COLEC10: variants seen among roughly 807,000 people sequenced by gnomAD.
COLEC10 encodes the protein collectin-10.
In COLEC10, 22 loss-of-function variants were observed where a neutral mutation model predicts 28.4. That is an observed-to-expected ratio of 0.78 (90% CI 0.55 to 1.11). COLEC10 has a LOEUF of 1.11. COLEC10 is among the 50% of genes least tolerant of loss of function. COLEC10 has a pLI of 0.00. For synonymous variants in COLEC10, 125 were observed against 116.1 expected (o/e 1.08, Z -0.49); for missense variants, 361 against 344.1 (o/e 1.05, Z -0.39).
the COLEC10 span, among the ~76,000 whole-genome samples, chr8:118,989,853 G>C: frequency 6.6e-6 from 1 of 151,972 alleles, no homozygotes; most frequent in African/African-American, 2.4e-5. Context: ...TTCAGATTTG[G>C]AAATATTTTA....
chr8:118,991,573 A>C (rs1270831502), upstream of COLEC10, among the ~76,000 whole-genome samples: 8 of 152,236 alleles, frequency 5.3e-5, no homozygotes, highest in South Asian at 4.1e-4. Context: ...CTGGCTCCGA[A>C]ACCCCTGGTC....
At chr8:118,994,472 G>C (rs1402284254), upstream of COLEC10, among the ~76,000 whole-genome samples, 3 of 152,122 alleles carry the variant, frequency 2.0e-5, no homozygotes, top group Non-Finnish European at 4.4e-5. Flanking sequence ...TGTTTACTTA[G>C]TGCTATGTGT....
chr8:119,093,208 C>T (rs2465392), intron 3 of COLEC10, among the ~76,000 whole-genome samples: 81,691 of 152,022 alleles, frequency 0.54, 22,760 homozygotes, highest in Middle Eastern at 0.71. Context: ...CAGTATGTCC[C>T]TGCAGGCAGG....
the COLEC10 span, among the ~76,000 whole-genome samples, chr8:118,970,743 A>G: frequency 7.2e-5 from 11 of 151,810 alleles, no homozygotes; most frequent in South Asian, 2.1e-4. Flanking sequence ...TACACTTCAT[A>G]CTTTTTTGTC....
At chr8:119,048,826 G>A (rs530853737) in intron 2 of COLEC10, among the ~76,000 whole-genome samples, 2 of 152,208 alleles carry the variant, frequency 1.3e-5, no homozygotes, top group South Asian at 2.1e-4. Flanking sequence ...GGGGCATTTA[G>A]CCCATTTACA....
At chr8:118,987,560 T>C in the COLEC10 span, among the ~76,000 whole-genome samples, 1 of 151,972 alleles carries the variant, frequency 6.6e-6, no homozygotes, top group African/African-American at 2.4e-5. Flanking sequence ...TGATAATCTG[T>C]CTCAAAAAAT....
intron 2 of COLEC10, among the ~76,000 whole-genome samples, chr8:119,015,802 A>C (rs1203238245): frequency 6.6e-6 from 1 of 152,154 alleles, no homozygotes; most frequent in Non-Finnish European, 1.5e-5. Flanking sequence ...CTTAGGTTAT[A>C]ACTTCTTGTT....
the COLEC10 span, among the ~76,000 whole-genome samples, chr8:118,958,370 T>A: frequency 1.3e-5 from 2 of 152,238 alleles, no homozygotes; most frequent in African/African-American, 4.8e-5. Context: ...ACACTGCTTC[T>A]GCTGGGAGGA....
At chr8:119,093,141 A>G (rs1427087100) in intron 3 of COLEC10, among the ~76,000 whole-genome samples, 1 of 152,182 alleles carries the variant, frequency 6.6e-6, no homozygotes, top group Non-Finnish European at 1.5e-5. Flanking sequence ...TGTACCCTCC[A>G]TCTTTTTGTA....
At chr8:119,030,688 G>T (rs1199737935) in intron 2 of COLEC10, among the ~76,000 whole-genome samples, 1 of 152,194 alleles carries the variant, frequency 6.6e-6, no homozygotes, top group Admixed American at 6.5e-5. Flanking sequence ...GTCAATGCAT[G>T]CAGTGAGCTT....
chr8:118,959,093 G>A, the COLEC10 span, among the ~76,000 whole-genome samples: 1 of 152,216 alleles, frequency 6.6e-6, no homozygotes, highest in African/African-American at 2.4e-5. Context: ...AGGAAGCTCT[G>A]CCCCTTCTTT....
rs557173003 is a variant in COLEC10 at position 119,091,076 on chromosome 8, T to A, written c.221-73T>A. The stretch of plus-strand genomic sequence containing the variant: ...TATACTTGTTGGTATTTCTTTCAAG[T>A]GAATATCACATTAGCCACATTTCAA... On this transcript the variant is annotated intron_variant, in intron 2 of 5. Coordinates refer to ENST00000332843, the MANE Select transcript of COLEC10 (RefSeq NM_006438.5). 1.3e-5 allele frequency: 15 copies of A among 1,165,000 alleles called. No homozygotes were observed. The African/African-American group carries it at 2.1e-4, about 16-fold the overall frequency. 72.2% of individuals were successfully genotyped at this position (1,165,000 alleles called of 1,614,324 possible).
intron 2 of COLEC10, among the ~76,000 whole-genome samples, chr8:119,030,237 T>A (rs1471825529): frequency 6.6e-6 from 1 of 152,240 alleles, no homozygotes; most frequent in Non-Finnish European, 1.5e-5. Flanking sequence ...GGCATTATGT[T>A]TTTACTCCAA....
chr8:119,089,772 C>T (rs1815552607), intron 2 of COLEC10, 21 bp downstream of exon 2: 1 of 1,593,578 alleles, frequency 6.3e-7, no homozygotes, highest in African/African-American at 1.3e-5. Flanking sequence ...TGATGTGAAA[C>T]TGACATTTTA....
intron 2 of COLEC10, among the ~76,000 whole-genome samples, chr8:119,090,749 T>A (rs1198748718): frequency 6.6e-6 from 1 of 152,168 alleles, no homozygotes; most frequent in Non-Finnish European, 1.5e-5. Flanking sequence ...GGCACAATTG[T>A]TAAATCTTGT....
rs1246692764 is a variant in COLEC10 at position 119,107,065 on chromosome 8, T to C, written c.*874T>C. On this transcript the variant is annotated 3_prime_UTR_variant, in exon 6 of 6. Coordinates refer to ENST00000332843, the MANE Select transcript of COLEC10 (RefSeq NM_006438.5). ...CATTTTTATTTATCTTAGGTTTACC[T>C]GCATCAATTTTATTCACCTTAGGCA... 2.0e-5 allele frequency among the ~76,000 whole-genome samples: 3 copies of C among 152,232 alleles called. No individual in the cohort carries two copies. Among genetic ancestry groups the C allele is most frequent in the Non-Finnish European group, 4.4e-5 (3 of 68,040 alleles).
the COLEC10 span, among the ~76,000 whole-genome samples, chr8:118,980,338 G>A: frequency 1.3e-5 from 2 of 151,466 alleles, no homozygotes; most frequent in Non-Finnish European, 2.9e-5. Context: ...AATTACAGGC[G>A]AACACCACCA....
intron 2 of COLEC10, among the ~76,000 whole-genome samples, chr8:119,016,397 G>A (rs1452468890): frequency 1.3e-5 from 2 of 152,152 alleles, no homozygotes; most frequent in African/African-American, 2.4e-5. Flanking sequence ...TGGTATGTAT[G>A]TGCCACATTT....
chr8:119,095,826 A>C (rs1292112881), intron 3 of COLEC10, among the ~76,000 whole-genome samples: 5 of 152,226 alleles, frequency 3.3e-5, no homozygotes, highest in African/African-American at 1.2e-4. Context: ...ATTTTGAAAA[A>C]ATGAAAAATA....
Sources: allele counts gnomAD v4.1 joint callset (sites outside exome capture counted in the v4.1 genomes callset), GRCh38; gene constraint gnomAD v4.1.1; transcripts MANE v1.5; gene names NCBI Gene and HGNC (gene_info 2026-07-23, HGNC 2026-07-21).